POLD3: variants seen among roughly 807,000 people sequenced by gnomAD.
POLD3 encodes the protein DNA polymerase delta subunit 3.
POLD3 carries 19 observed loss-of-function variants against 58.2 expected under a neutral mutation model. That is an observed-to-expected ratio of 0.33 (90% confidence interval 0.23 to 0.48). The LOEUF is 0.48. POLD3 is among the 20% of genes least tolerant of loss of function. The probability of loss-of-function intolerance (pLI) is 0.99; values close to 1 mark genes in which losing one functional copy is unlikely to be tolerated. For synonymous variants in POLD3, 172 were observed against 193.5 expected (o/e 0.89, Z 0.92); for missense variants, 504 against 545.5 (o/e 0.92, Z 0.76).
intron 9 of POLD3, among the ~76,000 whole-genome samples, chr11:74,629,694 A>G (rs1168444136): frequency 6.6e-6 from 1 of 151,726 alleles, no homozygotes; most frequent in Non-Finnish European, 1.5e-5. Context: ...GTGGTGGTCC[A>G]CACAGGTAAA....
intron 3 of POLD3, among the ~76,000 whole-genome samples, chr11:74,605,416 CAG>C (rs1300730004): frequency 2.6e-5 from 4 of 152,164 alleles, no homozygotes; most frequent in Non-Finnish European, 5.9e-5. Flanking sequence ...ATGTCCCTCT[CAG>C]GGGCACAGGG....
chr11:74,602,371 C>G (rs1056003872), intron 2 of POLD3, among the ~76,000 whole-genome samples: 3 of 152,196 alleles, frequency 2.0e-5, no homozygotes, highest in Admixed American at 2.0e-4. Flanking sequence ...TGACTTCTCC[C>G]CTCAACACCT....
At chr11:74,667,905 G>A (rs914530239) in intron 4 of POLD3, among the ~76,000 whole-genome samples, 8 of 152,170 alleles carry the variant, frequency 5.3e-5, no homozygotes, top group African/African-American at 1.7e-4. Context: ...TTGGCAAAGG[G>A]TCTGAAAAGA....
At chr11:74,636,580 T>G (rs183213522) in intron 11 of POLD3, among the ~76,000 whole-genome samples, 4 of 152,344 alleles carry the variant, frequency 2.6e-5, no homozygotes, top group Admixed American at 2.6e-4. Context: ...TGTGCAGTTA[T>G]GAAGATTCAG....
chr11:74,600,320 A>C (rs910705560), intron 2 of POLD3, among the ~76,000 whole-genome samples: 2 of 152,144 alleles, frequency 1.3e-5, no homozygotes, highest in Non-Finnish European at 1.5e-5. Flanking sequence ...CGCGGTGACT[A>C]ATGCCTGTAA....
intron 10 of POLD3, among the ~76,000 whole-genome samples, chr11:74,635,127 A>T (rs2032710160): frequency 6.6e-6 from 1 of 152,152 alleles, no homozygotes; most frequent in Non-Finnish European, 1.5e-5. Context: ...CCAAAGGGGA[A>T]ATATAGCTTT....
chr11:74,601,555 G>A (rs1447341355), intron 2 of POLD3, among the ~76,000 whole-genome samples: 5 of 152,202 alleles, frequency 3.3e-5, no homozygotes, highest in African/African-American at 7.2e-5. Flanking sequence ...GAGAGGCCAA[G>A]GCAGGAGGAT....
intron 4 of POLD3, among the ~76,000 whole-genome samples, chr11:74,663,402 GA>G (rs1411411983): frequency 6.6e-6 from 1 of 152,204 alleles, no homozygotes; most frequent in African/African-American, 2.4e-5. Context: ...CATGGAAATG[GA>G]AAAGATGTAG....
intron 8 of POLD3, 129 bp downstream of exon 8, chr11:74,625,702 A>G: frequency 1.5e-6 from 1 of 647,500 alleles, no homozygotes; most frequent in East Asian, 2.9e-5. Context: ...GGATACAACT[A>G]TACAACCAAA....
intron 4 of POLD3, among the ~76,000 whole-genome samples, chr11:74,660,541 C>G (rs2033192924): frequency 6.6e-6 from 1 of 152,004 alleles, no homozygotes; most frequent in Non-Finnish European, 1.5e-5. Flanking sequence ...ATTTGTGTCC[C>G]TGCCCAAATC....
Position 74,641,549 on chromosome 11 carries a change from G to A in POLD3, c.*783G>A, listed in dbSNP as rs940672186. ...GGAGGAGCTGCCGTGCTGCTGATAC[G>A]GGGTGTGCTTTATGCTGCTCTTTGC... On this transcript the variant is annotated 3_prime_UTR_variant, in exon 12 of 12. Transcript: ENST00000263681. 10 of 985,258 alleles carry A rather than the reference G, an allele frequency of 1.0e-5. No homozygotes were observed. The highest frequency in any genetic ancestry group is 6.2e-5 in the Admixed American group (1 of 16,232). The allele number at this position is 985,258 out of a possible 1,614,324, so 61.0% of individuals were successfully genotyped here.
chr11:74,620,945 C>G (rs1488354445), intron 7 of POLD3, among the ~76,000 whole-genome samples: 1 of 145,920 alleles, frequency 6.9e-6, no homozygotes, highest in East Asian at 2.0e-4. Flanking sequence ...TTTTCATATT[C>G]TGCTTATGTA....
intron 9 of POLD3, among the ~76,000 whole-genome samples, chr11:74,633,165 G>T (rs1252288727): frequency 6.6e-6 from 1 of 152,096 alleles, no homozygotes; most frequent in African/African-American, 2.4e-5. Context: ...CTTCCTCATT[G>T]CCTAAATTTT....
chr11:74,620,165 C>T, intron 7 of POLD3, 76 bp downstream of exon 7: 7 of 1,136,980 alleles, frequency 6.2e-6, no homozygotes, highest in Non-Finnish European at 9.3e-6. Flanking sequence ...AAGTGAAAGC[C>T]ACTTTGTCTA....
At chr11:74,614,303 C>T (rs1454536135) in intron 5 of POLD3, among the ~76,000 whole-genome samples, 10 of 152,118 alleles carry the variant, frequency 6.6e-5, no homozygotes, top group Admixed American at 5.9e-4. Context: ...GGAGGCAAGG[C>T]CATCAGGGAG....
chr11:74,624,076 C>T (rs11604951), intron 7 of POLD3, among the ~76,000 whole-genome samples: 17,535 of 152,102 alleles, frequency 0.12, 1,364 homozygotes, highest in Non-Finnish European at 0.17. Context: ...GTTTTTTTCT[C>T]CTAATGATGC....
chr11:74,651,635 C>T (rs1434711268), intron 4 of POLD3, among the ~76,000 whole-genome samples: 13 of 152,190 alleles, frequency 8.5e-5, no homozygotes, highest in African/African-American at 3.1e-4. Flanking sequence ...GTGAAAGTGA[C>T]ATTTAAGTCA....
chr11:74,605,097 A>G (rs1027366513), intron 3 of POLD3, among the ~76,000 whole-genome samples: 3 of 152,110 alleles, frequency 2.0e-5, no homozygotes, highest in Non-Finnish European at 4.4e-5. Context: ...ATGGTGTTTA[A>G]TTTTCCACCT....
intron 2 of POLD3, among the ~76,000 whole-genome samples, chr11:74,597,849 A>C (rs1322903934): frequency 6.6e-6 from 1 of 152,168 alleles, no homozygotes; most frequent in Non-Finnish European, 1.5e-5. Flanking sequence ...CTGAGGTAGG[A>C]GGATTGCTTG....
Sources: allele counts gnomAD v4.1 joint callset (sites outside exome capture counted in the v4.1 genomes callset), GRCh38; gene constraint gnomAD v4.1.1; transcripts MANE v1.5; gene names NCBI Gene and HGNC (gene_info 2026-07-23, HGNC 2026-07-21).